Variants in AGFG2 observed in about 807,000 individuals in gnomAD.
AGFG2 encodes ArfGAP with FG repeats 2, also known as arf-GAP domain and FG repeat-containing protein 2.
AGFG2 carries 31 observed loss-of-function variants against 48.0 expected under a neutral mutation model. The ratio of observed to expected loss-of-function variants is 0.65; its 90% CI spans 0.49 to 0.87. The LOEUF is 0.87. AGFG2 is among the 40% of genes least tolerant of loss of function. The pLI, the probability that AGFG2 is intolerant of heterozygous loss-of-function variation, is 0.00. For missense variants in AGFG2, 599 were observed against 632.6 expected (o/e 0.95, Z 0.57); for synonymous variants, 229 against 260.8 (o/e 0.88, Z 1.18).
chr7:100,555,509 G>A (rs1229814233), intron 5 of AGFG2, 101 bp from the exon 6 acceptor site: 8 of 1,329,542 alleles, frequency 6.0e-6, no homozygotes, highest in Admixed American at 3.9e-5. Context: ...CTGACCTCAA[G>A]TGATCTGCCC....
chr7:100,551,462 C>T (rs1800643328), intron 3 of AGFG2, among the ~76,000 whole-genome samples: 2 of 151,630 alleles, frequency 1.3e-5, no homozygotes, highest in South Asian at 4.2e-4. Context: ...GCCTTGGCCT[C>T]GCAAAGTGCT....
rs368990820 is a variant in AGFG2 at position 100,565,002 on chromosome 7, T to C, written c.*11T>C. ...AACCCCTTCTTGTAGCACTGTGTTTTTGGGGGGCCTCTTCCCTGCCTTCTG... is the reference window on the plus strand; with the variant it reads ...AACCCCTTCTTGTAGCACTGTGTTTCTGGGGGGCCTCTTCCCTGCCTTCTG... On this transcript the variant is annotated 3_prime_UTR_variant, in exon 12 of 12. Coordinates refer to ENST00000300176, the MANE Select transcript of AGFG2 (RefSeq NM_006076.5). 8 of 1,613,958 alleles carry C rather than the reference T, an allele frequency of 5.0e-6. No homozygotes were observed. Among genetic ancestry groups the C allele is most frequent in the Middle Eastern group, 1.6e-4 (1 of 6,084 alleles).
chr7:100,564,529 T>C (rs1800964100), intron 11 of AGFG2, among the ~76,000 whole-genome samples: 1 of 151,398 alleles, frequency 6.6e-6, no homozygotes, highest in Non-Finnish European at 1.5e-5. Context: ...TCCTTTTTTT[T>C]TTTTTTTTGA....
intron 6 of AGFG2, among the ~76,000 whole-genome samples, chr7:100,560,666 CAGTGAG>C (rs1205283465): frequency 1.3e-5 from 2 of 152,172 alleles, no homozygotes; most frequent in Non-Finnish European, 2.9e-5. Flanking sequence ...TGCCGACACT[CAGTGAG>C]AGGGAGCGGG....
At chr7:100,545,915 ACT>A (rs1800501696) in intron 1 of AGFG2, among the ~76,000 whole-genome samples, 1 of 151,748 alleles carries the variant, frequency 6.6e-6, no homozygotes. Context: ...AGAAAGAAAA[ACT>A]CTGACTCATA....
In AGFG2 at chr7:100,539,541, C is replaced by G; in HGVS notation, c.195C>G (p.Phe65Leu). The change falls in exon 1 of 12, where the codon TTC (phenylalanine) becomes TTG (leucine). Residue 65 changes from phenylalanine (F) to leucine (L), a missense_variant. By Grantham distance (22) the Phe-to-Leu change is conservative. Transcript: ENST00000300176. ...VTYVDITVGSFVCTTCSGLLR... is the reference protein window; with the variant it reads ...VTYVDITVGSLVCTTCSGLLR... ...ACGTGGATATCACCGTGGGCAGCTT[C>G]GTGTGCACCACCTGCTCCGGCCTCC... 1 of 1,042,030 alleles carries G rather than the reference C, an allele frequency of 9.6e-7. No individual in the cohort carries two copies. Among genetic ancestry groups the G allele is most frequent in the Non-Finnish European group, 1.2e-6 (1 of 856,960 alleles). 64.5% of individuals were successfully genotyped at this position (1,042,030 alleles called of 1,614,324 possible).
intron 5 of AGFG2, among the ~76,000 whole-genome samples, chr7:100,554,950 A>AC (rs1800727029): frequency 6.6e-6 from 1 of 151,362 alleles, no homozygotes; most frequent in Non-Finnish European, 1.5e-5. Flanking sequence ...AAAAAAAAAA[A>AC]AAAAAAAAAA....
At chr7:100,551,832 A>G (rs1800651949) in intron 3 of AGFG2, among the ~76,000 whole-genome samples, 2 of 135,260 alleles carry the variant, frequency 1.5e-5, no homozygotes, top group African/African-American at 5.5e-5. Context: ...GGTTGCAGTG[A>G]GCTGAGATCA....
rs1027819745 is a variant in AGFG2 at position 100,566,752 on chromosome 7, T to C, written c.*1761T>C. On this transcript the variant is annotated 3_prime_UTR_variant, in exon 12 of 12. Transcript: ENST00000300176. ...TTCTGTCTCCTGGGTGGTCTCCCGCTTCGCTCCTGGCCTTTGCATGTTCCA... is the reference window on the plus strand; with the variant it reads ...TTCTGTCTCCTGGGTGGTCTCCCGCCTCGCTCCTGGCCTTTGCATGTTCCA... 1 of 152,478 alleles carries C rather than the reference T, an allele frequency of 6.6e-6. No homozygotes were observed. Among genetic ancestry groups the C allele is most frequent in the Non-Finnish European group, 1.5e-5 (1 of 68,212 alleles). The allele number at this position is 152,478 out of a possible 1,614,324, so 9.4% of individuals were successfully genotyped here.
chr7:100,559,337 C>T (rs564528820), intron 6 of AGFG2, among the ~76,000 whole-genome samples: 6 of 152,048 alleles, frequency 3.9e-5, no homozygotes, highest in East Asian at 1.9e-4. Context: ...CAGGTGTTCC[C>T]GTGAGTGTGA....
intron 3 of AGFG2, among the ~76,000 whole-genome samples, chr7:100,552,982 C>T (rs1800678927): frequency 6.6e-6 from 1 of 151,962 alleles, no homozygotes; most frequent in African/African-American, 2.4e-5. Context: ...GACCTCTTCT[C>T]TACAAATAAT....
chr7:100,564,035 G>A (rs1002155328), intron 10 of AGFG2, 73 bp downstream of exon 10: 4 of 1,582,212 alleles, frequency 2.5e-6, no homozygotes, highest in East Asian at 2.2e-5. Flanking sequence ...TTGTTCCTCC[G>A]ACCTCATCAG....
At position 100,567,891 on chromosome 7, in the gene AGFG2, AGT is replaced by A. The variant is rs1801048974; in HGVS notation, c.*2905_*2906del. Reference sequence around the variant, plus strand: ...ATCTTTTCCGGGTAGGGTCAAGGGCAGTGTGTTGCCAAGGCAACTGATGTAGG... The same window carrying A: ...ATCTTTTCCGGGTAGGGTCAAGGGCAGTGTTGCCAAGGCAACTGATGTAGG... On this transcript the variant is annotated 3_prime_UTR_variant, in exon 12 of 12. Coordinates refer to ENST00000300176, the MANE Select transcript of AGFG2 (RefSeq NM_006076.5). The A allele has an allele frequency of 6.6e-6, 1 of 152,374 alleles. No individual in the cohort carries two copies. Among genetic ancestry groups the A allele is most frequent in the South Asian group, 2.1e-4 (1 of 4,834 alleles). 9.4% of individuals were successfully genotyped at this position (152,374 alleles called of 1,614,324 possible).
In AGFG2 at chr7:100,551,055, TATATATA is replaced by T. The variant is rs1176922221; in HGVS notation, c.431+545_431+551del. On this transcript the variant is annotated intron_variant, in intron 3 of 11. Coordinates refer to ENST00000300176, the MANE Select transcript of AGFG2 (RefSeq NM_006076.5). ...TTATATATATATATATATATATATA[TATATATA>T]TATATTTCTTTTTTTTTTTTTTTTT... is the stretch of plus-strand genomic sequence containing the variant. Among the ~76,000 whole-genome samples, 28 of 87,894 alleles carry T rather than the reference TATATATA, an allele frequency of 3.2e-4. 2 individuals are homozygous for T. Among genetic ancestry groups the T allele is most frequent in the African/African-American group, 1.1e-3 (27 of 25,158 alleles). 57.7% of individuals were successfully genotyped at this position (87,894 alleles called of 152,430 possible).
Position 100,539,278 on chromosome 7 carries a change from C to T in AGFG2, c.-69C>T, listed in dbSNP as rs1201722423. On this transcript the variant is annotated 5_prime_UTR_variant, in exon 1 of 12. Coordinates refer to ENST00000300176, the MANE Select transcript of AGFG2 (RefSeq NM_006076.5). ...AGGGGAGCCGGGCGTGCGGAGGCGG[C>T]TGAGGAGGCGGGAAGGCGGCAGTGG... The T allele has an allele frequency of 2.8e-5, 35 of 1,261,760 alleles. No homozygotes were observed. Among genetic ancestry groups the T allele is most frequent in the Non-Finnish European group, 3.5e-5 (35 of 998,190 alleles). 78.2% of individuals were successfully genotyped at this position (1,261,760 alleles called of 1,614,324 possible).
At chr7:100,563,693 G>T (rs909957408) in intron 9 of AGFG2, 141 bp from the exon 10 acceptor site, 49 of 1,254,356 alleles carry the variant, frequency 3.9e-5, no homozygotes, top group Non-Finnish European at 5.3e-5. Flanking sequence ...AGAAGCAGAA[G>T]AGTTCCATGG....
At position 100,565,851 on chromosome 7, in the gene AGFG2, T is replaced by A. The variant is rs1415386305; in HGVS notation, c.*860T>A. The A allele has an allele frequency of 6.7e-6, 1 of 150,116 alleles. No homozygotes were observed. Among genetic ancestry groups the A allele is most frequent in the East Asian group, 2.0e-4 (1 of 5,116 alleles). The allele number at this position is 150,116 out of a possible 1,614,324, so 9.3% of individuals were successfully genotyped here. On this transcript the variant is annotated 3_prime_UTR_variant, in exon 12 of 12. Coordinates refer to ENST00000300176, the MANE Select transcript of AGFG2 (RefSeq NM_006076.5). ...CCTGACCCCCACCATCCCCAGAGCC[T>A]GGGTTTTCCAGGGAAAGGCTTTGTG... is the stretch of plus-strand genomic sequence containing the variant.
intron 1 of AGFG2, among the ~76,000 whole-genome samples, chr7:100,545,853 GCTCTC>G (rs956823936): frequency 6.6e-6 from 1 of 152,140 alleles, no homozygotes; most frequent in African/African-American, 2.4e-5. Context: ...GAGGAAGGGG[GCTCTC>G]GTTTCTAAAT....
chr7:100,562,378 A>T lies in AGFG2; in HGVS notation c.997A>T (p.Ser333Cys). Reference sequence around the variant, plus strand: ...GGTGCCCGCTGCAGGTGTTCCTAGCAGGTAGGTACAGACAGTGGGCAGTCT... The same window carrying T: ...GGTGCCCGCTGCAGGTGTTCCTAGCTGGTAGGTACAGACAGTGGGCAGTCT... ...PGVPAAGVPS[S>C]LFGMAGQVPP... The change falls in exon 7 of 12, where the codon AGC becomes TGC. Residue 333 changes from serine to cysteine, a missense_variant and splice_region_variant. Coordinates refer to ENST00000300176, the MANE Select transcript of AGFG2 (RefSeq NM_006076.5). This position sits in a 1 kb window ranked among gnomAD's most constrained non-coding sequence, Gnocchi z 5.4. 1.2e-6 allele frequency: 2 copies of T among 1,613,532 alleles called. No homozygotes were observed. The highest frequency in any genetic ancestry group is 1.7e-4 in the Middle Eastern group (1 of 6,060).
Sources: allele counts gnomAD v4.1 joint callset (sites outside exome capture counted in the v4.1 genomes callset), GRCh38; gene constraint gnomAD v4.1.1; non-coding constraint Gnocchi (gnomAD v3.1); transcripts MANE v1.5; gene names NCBI Gene and HGNC (gene_info 2026-07-23, HGNC 2026-07-21).